Variants in EEF1AKMT2 observed in about 807,000 individuals in gnomAD.
EEF1AKMT2 encodes the protein eukaryotic translation elongation factor 1 alpha lysine methyltransferase 2.
A neutral mutation model predicts 35.8 loss-of-function variants in EEF1AKMT2; 32 were observed. The ratio of observed to expected loss-of-function variants is 0.89; its 90% CI spans 0.67 to 1.20. The LOEUF (loss-of-function observed/expected upper bound fraction) is 1.20. Among genes scored for constraint, EEF1AKMT2 ranks in the 50% most tolerant of loss-of-function variants. The pLI, the probability that EEF1AKMT2 is intolerant of heterozygous loss-of-function variation, is 0.00. For missense variants in EEF1AKMT2, 330 were observed against 347.5 expected (o/e 0.95, Z 0.40); for synonymous variants, 121 against 133.7 (o/e 0.91, Z 0.65).
At chr10:124,789,320 C>A (rs1950614511) in intron 2 of EEF1AKMT2, among the ~76,000 whole-genome samples, 163 bp from the exon 3 acceptor site, 1 of 152,156 alleles carries the variant, frequency 6.6e-6, no homozygotes, top group Non-Finnish European at 1.5e-5. Flanking sequence ...GAAACCACCT[C>A]CAGGAATACA....
At chr10:124,772,406 CTTCTT>C (rs1327863204) in intron 4 of EEF1AKMT2, among the ~76,000 whole-genome samples, 6 of 144,172 alleles carry the variant, frequency 4.2e-5, no homozygotes, top group Non-Finnish European at 7.6e-5. Context: ...ATGGAGATGG[CTTCTT>C]TTCTTTTTCT....
chr10:124,765,038 A>G (rs550130050), intron 5 of EEF1AKMT2, among the ~76,000 whole-genome samples: 40 of 152,286 alleles, frequency 2.6e-4, no homozygotes, highest in African/African-American at 8.9e-4. Context: ...AGTAGCTGGG[A>G]CTACAGGCAC....
intron 3 of EEF1AKMT2, among the ~76,000 whole-genome samples, chr10:124,778,466 G>A (rs1950507698): frequency 6.6e-6 from 1 of 152,092 alleles, no homozygotes; most frequent in Non-Finnish European, 1.5e-5. Context: ...GCTTATGCCT[G>A]TAATACCAGC....
chr10:124,759,941 A>G lies in EEF1AKMT2; in HGVS notation c.*562T>C, dbSNP rs1950316723. The G allele has an allele frequency of 6.5e-6, 1 of 153,904 alleles. No individual in the cohort carries two copies. Among genetic ancestry groups the G allele is most frequent in the Non-Finnish European group, 1.4e-5 (1 of 69,268 alleles). 9.5% of individuals were successfully genotyped at this position (153,904 alleles called of 1,614,324 possible). On this transcript the variant is annotated 3_prime_UTR_variant, in exon 7 of 7. Transcript: ENST00000368836. ...TTAATTAAGTTTAAAAATAACCGCCATCCAACACAAAATAGTATTTCTTGT... is the reference window on the plus strand; with the variant it reads ...TTAATTAAGTTTAAAAATAACCGCCGTCCAACACAAAATAGTATTTCTTGT...
chr10:124,783,000 TA>T, intron 3 of EEF1AKMT2: 2 of 416,668 alleles, frequency 4.8e-6, no homozygotes, highest in Non-Finnish European at 4.7e-6. Flanking sequence ...AATATAATAA[TA>T]AGGTAAGTTA....
downstream of EEF1AKMT2, among the ~76,000 whole-genome samples, chr10:124,757,403 C>A (rs1455016970): frequency 6.6e-6 from 1 of 152,164 alleles, no homozygotes; most frequent in African/African-American, 2.4e-5. Context: ...GACACACACA[C>A]ATACACACAC....
At chr10:124,790,582 A>G (rs370187584) in intron 1 of EEF1AKMT2, among the ~76,000 whole-genome samples, 27 of 152,242 alleles carry the variant, frequency 1.8e-4, no homozygotes, top group African/African-American at 5.3e-4. Context: ...ATGCACAACA[A>G]TAAGTTTTAG....
At chr10:124,767,927 G>A (rs754326871) in intron 4 of EEF1AKMT2, among the ~76,000 whole-genome samples, 2 of 152,038 alleles carry the variant, frequency 1.3e-5, no homozygotes, top group Admixed American at 1.3e-4. Context: ...CGGAGGTTGC[G>A]GTGAGCCGAG....
At chr10:124,786,687 G>A (rs1950587286) in intron 3 of EEF1AKMT2, among the ~76,000 whole-genome samples, 1 of 151,430 alleles carries the variant, frequency 6.6e-6, no homozygotes, top group South Asian at 2.1e-4. Context: ...GTGTACGCCT[G>A]TAATCCTAGC....
intron 3 of EEF1AKMT2, among the ~76,000 whole-genome samples, chr10:124,785,346 G>C (rs115899762): frequency 2.6e-4 from 39 of 151,240 alleles, no homozygotes; most frequent in Non-Finnish European, 4.3e-4. Context: ...GTTAGGCAGA[G>C]TCCTTTAATA....
intron 4 of EEF1AKMT2, 176 bp from the exon 5 acceptor site, chr10:124,765,784 C>T (rs188092522): frequency 2.5e-4 from 136 of 550,520 alleles, no homozygotes; most frequent in African/African-American, 2.4e-3. Flanking sequence ...AGTCCAAGAT[C>T]ATTAAAGCCA....
chr10:124,769,946 CAAAAAAAAAA>C (rs71484588), intron 4 of EEF1AKMT2, among the ~76,000 whole-genome samples: 18 of 60,216 alleles, frequency 3.0e-4, no homozygotes, highest in Admixed American at 1.0e-3. Flanking sequence ...AACTCCATCT[CAAAAAAAAAA>C]AAAAAAAAAA....
At chr10:124,779,516 G>A (rs1950517999) in intron 3 of EEF1AKMT2, among the ~76,000 whole-genome samples, 1 of 151,676 alleles carries the variant, frequency 6.6e-6, no homozygotes, top group Admixed American at 6.6e-5. Context: ...GGAGGCCGAG[G>A]CGGGTGGATC....
intron 5 of EEF1AKMT2, among the ~76,000 whole-genome samples, chr10:124,763,771 A>AT (rs1409735830): frequency 6.6e-6 from 1 of 152,146 alleles, no homozygotes; most frequent in African/African-American, 2.4e-5. Context: ...TGTATTTAAA[A>AT]ACCAGGAAAG....
chr10:124,773,740 T>C (rs571200450), intron 4 of EEF1AKMT2, among the ~76,000 whole-genome samples: 1 of 152,274 alleles, frequency 6.6e-6, no homozygotes, highest in East Asian at 1.9e-4. Flanking sequence ...TCAATGATCA[T>C]GAATCACCAT....
rs899154998 is a variant in EEF1AKMT2 at position 124,758,910 on chromosome 10, T to C, written c.*1593A>G. ...TTGAAAATAAAAGCTTTTCAAAAAATGTTATTTTTGTTGACAGTCCACATA... is the reference window on the plus strand; with the variant it reads ...TTGAAAATAAAAGCTTTTCAAAAAACGTTATTTTTGTTGACAGTCCACATA... On this transcript the variant is annotated 3_prime_UTR_variant, in exon 7 of 7. Transcript: ENST00000368836. 6.6e-6 allele frequency: 1 copy of C among 152,196 alleles called. No homozygotes were observed. The highest frequency in any genetic ancestry group is 1.5e-5 in the Non-Finnish European group (1 of 68,034). The allele number at this position is 152,196 out of a possible 1,614,324, so 9.4% of individuals were successfully genotyped here. A position where few individuals can be genotyped will look rare whatever the true frequency, so the allele number is the denominator to read the frequency against.
chr10:124,765,381 T>C lies in EEF1AKMT2; in HGVS notation c.616+11A>G, dbSNP rs1034690329. ...GGTAAGCACACATTTAAACACCATA[T>C]AGTCACTTACCTTCACTGAATTCAT... is the stretch of plus-strand genomic sequence containing the variant. On this transcript the variant is annotated intron_variant, in intron 5 of 6. Transcript: ENST00000368836. The C allele has an allele frequency of 6.8e-6, 11 of 1,608,472 alleles. No homozygotes were observed. Among genetic ancestry groups the C allele is most frequent in the African/African-American group, 6.7e-5 (5 of 74,776 alleles).
chr10:124,765,413 A>C lies in EEF1AKMT2; in HGVS notation c.595T>G (p.Leu199Val), dbSNP rs774575351. Residue 199 changes from leucine (L) to valine (V), a missense_variant, in exon 5 of 7, where the codon TTG (leucine) becomes GTG (valine). Transcript: ENST00000368836. The part of the protein sequence containing the change: ...ITSCNWTKEE[L>V]LNEFSEGWST... ...TTACCTTCACTGAATTCATTTAGCAACTCTTCCTTGGTCCAATTACATGAC... is the reference window on the plus strand; with the variant it reads ...TTACCTTCACTGAATTCATTTAGCACCTCTTCCTTGGTCCAATTACATGAC... 6.2e-7 allele frequency: 1 copy of C among 1,613,788 alleles called. No homozygotes were observed. Among genetic ancestry groups the C allele is most frequent in the Non-Finnish European group, 8.5e-7 (1 of 1,179,884 alleles).
At chr10:124,787,395 T>C (rs1187923313) in intron 3 of EEF1AKMT2, among the ~76,000 whole-genome samples, 1 of 127,314 alleles carries the variant, frequency 7.9e-6, no homozygotes, top group Non-Finnish European at 1.5e-5. Flanking sequence ...ATCGTGAGAC[T>C]GCACTCCAGC....
Sources: gnomAD v4.1 joint callset for allele counts (sites outside exome capture counted in the v4.1 genomes callset) on GRCh38, gnomAD v4.1.1 for gene constraint, MANE v1.5 for transcripts, NCBI Gene and HGNC (gene_info 2026-07-23, HGNC 2026-07-21) for gene names.